Variants in SLC24A2 observed in about 807,000 individuals in gnomAD.
SLC24A2 encodes the protein solute carrier family 24 member 2, also known as sodium/potassium/calcium exchanger 2.
SLC24A2 carries 36 observed loss-of-function variants against 62.0 expected under a neutral mutation model. The observed-to-expected ratio is 0.58, with a 90% CI of 0.44 to 0.77. The LOEUF (loss-of-function observed/expected upper bound fraction) is 0.77. SLC24A2 is among the 30% of genes least tolerant of loss of function. The probability of loss-of-function intolerance (pLI) is 0.00; values close to 1 mark genes in which losing one functional copy is unlikely to be tolerated. For synonymous variants in SLC24A2, 358 were observed against 294.0 expected (o/e 1.22, Z -2.23); for missense variants, 846 against 817.9 (o/e 1.03, Z -0.42).
chr9:19,854,831 G>C, the SLC24A2 span, among the ~76,000 whole-genome samples: 1 of 152,110 alleles, frequency 6.6e-6, no homozygotes, highest in African/African-American at 2.4e-5. Flanking sequence ...CTGAGCTCAA[G>C]TCCTGAATAT....
rs1020134089 is a variant in SLC24A2 at position 19,619,433 on chromosome 9, C to T, written c.1078+151G>A. On this transcript the variant is annotated intron_variant, in intron 4 of 10. Coordinates refer to ENST00000341998, the MANE Select transcript of SLC24A2 (RefSeq NM_020344.4). ...GAACTGAGCTGTTGCAGATAAAGCA[C>T]GTCAAAGGGCCAGGGCTGCTTCTGG... is the stretch of plus-strand genomic sequence containing the variant. The T allele has an allele frequency of 2.9e-5, 22 of 751,680 alleles. No individual in the cohort carries two copies. The East Asian group carries it at 4.3e-4, about 15-fold the overall frequency. 46.6% of individuals were successfully genotyped at this position (751,680 alleles called of 1,614,324 possible).
the SLC24A2 span, among the ~76,000 whole-genome samples, chr9:20,280,636 A>G: frequency 6.6e-6 from 1 of 152,182 alleles, no homozygotes; most frequent in African/African-American, 2.4e-5. Flanking sequence ...GGGCCCCTGT[A>G]CTAGGTCAAA....
At chr9:19,782,913 T>C (rs527309780) in intron 2 of SLC24A2, among the ~76,000 whole-genome samples, 1 of 152,318 alleles carries the variant, frequency 6.6e-6, no homozygotes, top group South Asian at 2.1e-4. Flanking sequence ...TCTTTCCTTT[T>C]TGAGTTAAAG....
chr9:19,868,474 A>G, the SLC24A2 span, among the ~76,000 whole-genome samples: 1 of 152,242 alleles, frequency 6.6e-6, no homozygotes, highest in African/African-American at 2.4e-5. Flanking sequence ...AAGACGGAAT[A>G]TTCTATAAAT....
At chr9:19,896,121 T>C in the SLC24A2 span, 5,493 of 573,378 alleles carry the variant, frequency 9.6e-3, 194 homozygotes, top group African/African-American at 0.086. Flanking sequence ...TCCTGGACAA[T>C]GAGCAGCTCC....
the SLC24A2 span, among the ~76,000 whole-genome samples, chr9:20,088,602 T>C: frequency 6.6e-6 from 1 of 152,170 alleles, no homozygotes; most frequent in Non-Finnish European, 1.5e-5. Flanking sequence ...ATCTTCGCTG[T>C]TTTGCATCCT....
chr9:19,935,801 G>A, the SLC24A2 span, among the ~76,000 whole-genome samples: 2 of 152,166 alleles, frequency 1.3e-5, no homozygotes, highest in African/African-American at 4.8e-5. Flanking sequence ...ACATGGTGAG[G>A]TGTTCACTGA....
chr9:20,182,758 T>C, the SLC24A2 span, among the ~76,000 whole-genome samples: 2 of 152,162 alleles, frequency 1.3e-5, no homozygotes, highest in African/African-American at 2.4e-5. Flanking sequence ...GTTGTGCACA[T>C]GTACCCCAGA....
chr9:19,925,764 A>C, the SLC24A2 span, among the ~76,000 whole-genome samples: 1 of 152,208 alleles, frequency 6.6e-6, no homozygotes, highest in Admixed American at 6.5e-5. Context: ...ATCCTCTTCA[A>C]AATGTAAGGA....
At chr9:19,670,980 A>G (rs1464708213) in intron 2 of SLC24A2, among the ~76,000 whole-genome samples, 1 of 152,110 alleles carries the variant, frequency 6.6e-6, no homozygotes, top group African/African-American at 2.4e-5. Context: ...ATCATTTACT[A>G]TTTACAAGGA....
At chr9:20,030,393 G>A in the SLC24A2 span, among the ~76,000 whole-genome samples, 10 of 152,294 alleles carry the variant, frequency 6.6e-5, no homozygotes, top group Non-Finnish European at 8.8e-5. Context: ...GAGCTGCTAC[G>A]GTAACCGAGC....
intron 2 of SLC24A2, among the ~76,000 whole-genome samples, chr9:19,653,477 C>T (rs1386389994): frequency 2.0e-5 from 3 of 152,218 alleles, no homozygotes; most frequent in Admixed American, 2.0e-4. Context: ...GATAAATATC[C>T]CTGTGTGTGA....
the SLC24A2 span, among the ~76,000 whole-genome samples, chr9:19,881,471 G>A: frequency 6.6e-6 from 1 of 152,066 alleles, no homozygotes; most frequent in Non-Finnish European, 1.5e-5. Context: ...GGAAAGTACG[G>A]CACAAAAAAG....
chr9:20,196,386 G>C, the SLC24A2 span, among the ~76,000 whole-genome samples: 2 of 152,206 alleles, frequency 1.3e-5, no homozygotes, highest in Non-Finnish European at 2.9e-5. Flanking sequence ...TTTCTAACTA[G>C]TGAGTTTCAA....
At chr9:20,258,598 C>T in the SLC24A2 span, among the ~76,000 whole-genome samples, 2 of 152,194 alleles carry the variant, frequency 1.3e-5, no homozygotes, top group Non-Finnish European at 2.9e-5. Context: ...CTCTGGGACT[C>T]ATACCAGCAG....
the SLC24A2 span, among the ~76,000 whole-genome samples, chr9:19,961,058 G>C: frequency 4.0e-5 from 6 of 150,546 alleles, no homozygotes; most frequent in African/African-American, 1.5e-4. Flanking sequence ...GTGTGAGTGA[G>C]AGAAAGGAGA....
intron 1 of SLC24A2, chr9:19,788,458 A>C: frequency 1.0e-6 from 1 of 973,622 alleles, no homozygotes; most frequent in Non-Finnish European, 1.2e-6. Context: ...CCGCGCCCCA[A>C]CTTTGCCTTG....
At chr9:20,093,261 G>A in the SLC24A2 span, among the ~76,000 whole-genome samples, 67 of 151,680 alleles carry the variant, frequency 4.4e-4, no homozygotes, top group South Asian at 0.013. Flanking sequence ...TAGTACAGAC[G>A]GGGTTTCTCC....
At chr9:20,047,500 G>A in the SLC24A2 span, among the ~76,000 whole-genome samples, 1 of 150,220 alleles carries the variant, frequency 6.7e-6, no homozygotes, top group Non-Finnish European at 1.5e-5. Context: ...AAGACTGGGT[G>A]GCTTCTGTAC....
Sources: gnomAD v4.1 joint callset for allele counts (sites outside exome capture counted in the v4.1 genomes callset) on GRCh38, gnomAD v4.1.1 for gene constraint, MANE v1.5 for transcripts, NCBI Gene and HGNC (gene_info 2026-07-23, HGNC 2026-07-21) for gene names.